The following WLS variants were observed in gnomAD, a reference collection of about 807,000 sequenced individuals.
WLS encodes protein wntless homolog.
Under a neutral mutation model 62.8 loss-of-function variants are expected in WLS, and 23 were observed. The ratio of observed to expected loss-of-function variants is 0.37; its 90% confidence interval spans 0.26 to 0.52. WLS has a LOEUF of 0.52. Ranked by LOEUF, WLS falls within the 20% of genes least tolerant of loss-of-function variation. WLS has a pLI of 0.92. For synonymous variants in WLS, 246 were observed against 244.1 expected (o/e 1.01, Z -0.07); for missense variants, 615 against 697.3 (o/e 0.88, Z 1.33).
At chr1:68,143,041 A>G (rs1379016639) in intron 10 of WLS, among the ~76,000 whole-genome samples, 1 of 152,204 alleles carries the variant, frequency 6.6e-6, no homozygotes, top group African/African-American at 2.4e-5. Context: ...TACCTGTAGC[A>G]TCTGTTTCAC....
At chr1:68,112,923 C>T (rs942167280) in intron 11 of WLS, among the ~76,000 whole-genome samples, 1 of 152,252 alleles carries the variant, frequency 6.6e-6, no homozygotes, top group African/African-American at 2.4e-5. Flanking sequence ...GAATTTGGCT[C>T]CCTGCCTAGG....
chr1:68,152,522 G>T (rs923522309), intron 5 of WLS, among the ~76,000 whole-genome samples: 1 of 152,194 alleles, frequency 6.6e-6, no homozygotes, highest in Non-Finnish European at 1.5e-5. Flanking sequence ...AATTATGTCA[G>T]ATGCTGGGAT....
chr1:68,118,759 C>T (rs949186828), intron 11 of WLS, among the ~76,000 whole-genome samples: 3 of 151,370 alleles, frequency 2.0e-5, no homozygotes, highest in African/African-American at 7.3e-5. Flanking sequence ...CCTGTAATCC[C>T]AGGCTACTCA....
At chr1:68,126,473 T>G in intron 11 of WLS, 138 bp from the exon 12 acceptor site, 1 of 1,172,466 alleles carries the variant, frequency 8.5e-7, no homozygotes. Context: ...CACACAACAT[T>G]CAGAACAAGG....
chr1:68,153,639 A>G lies in WLS; in HGVS notation c.681T>C (p.Asn227=). 3 of 1,614,184 alleles carry G rather than the reference A, an allele frequency of 1.9e-6. No individual in the cohort carries two copies. The highest frequency in any genetic ancestry group is 2.5e-6 in the Non-Finnish European group (3 of 1,180,030). The change falls in exon 5 of 12, where the codon AAT becomes AAC. Residue 227 remains asparagine, a synonymous_variant. Coordinates refer to ENST00000262348, the MANE Select transcript of WLS (RefSeq NM_024911.7). ...CAAACCACACCTTGGTGAAGCCTCCATTTTGGTGGATCCCCTAGGCAGAGA... is the reference window on the plus strand; with the variant it reads ...CAAACCACACCTTGGTGAAGCCTCCGTTTTGGTGGATCCCCTAGGCAGAGA... ...KDIRLVGIHQ[N]GGFTKVWFAM... is the part of the protein sequence containing the mutation.
At chr1:68,129,743 T>C (rs569575315) in intron 11 of WLS, among the ~76,000 whole-genome samples, 29 of 152,296 alleles carry the variant, frequency 1.9e-4, no homozygotes, top group Admixed American at 1.8e-3. Flanking sequence ...TCTTGCTCCA[T>C]CTGTTAGTTT....
chr1:68,119,556 T>C (rs1457346287), intron 11 of WLS, among the ~76,000 whole-genome samples: 1 of 152,204 alleles, frequency 6.6e-6, no homozygotes, highest in Non-Finnish European at 1.5e-5. Context: ...TGGCTCTCTC[T>C]CACAGCTTCC....
At chr1:68,189,964 A>G (rs1161262439) in intron 2 of WLS, among the ~76,000 whole-genome samples, 1 of 152,198 alleles carries the variant, frequency 6.6e-6, no homozygotes, top group Non-Finnish European at 1.5e-5. Flanking sequence ...AACCAAGATC[A>G]TGCCACCGTA....
chr1:68,227,746 T>A (rs997427173), intron 1 of WLS, among the ~76,000 whole-genome samples: 4 of 152,192 alleles, frequency 2.6e-5, no homozygotes, highest in African/African-American at 9.7e-5. Flanking sequence ...ACCAATTGAT[T>A]AATCTTGTCA....
chr1:68,130,480 C>T (rs149885286), intron 11 of WLS, among the ~76,000 whole-genome samples: 227 of 152,296 alleles, frequency 1.5e-3, no homozygotes, highest in Non-Finnish European at 2.9e-3. Flanking sequence ...CTTTCCAGAA[C>T]ATTCATGACC....
chr1:68,159,185 A>C lies in WLS; in HGVS notation c.442T>G (p.Trp148Gly), dbSNP rs772279175. ...LAYRDDAFAE[W>G]TEMAHERVPR... ...ACTCTTTCATGGGCCATTTCAGTCC[A>C]CTCAGCAAACGCGTCATCACGGTAA... Residue 148 changes from tryptophan (W) to glycine (G), a missense_variant, in exon 3 of 12, where the codon TGG (tryptophan) becomes GGG (glycine). Physicochemically the swap from Trp to Gly is radical, Grantham distance 184. Transcript: ENST00000262348. 6.2e-7 allele frequency: 1 copy of C among 1,614,106 alleles called. No individual in the cohort carries two copies. The highest frequency in any genetic ancestry group is 8.5e-7 in the Non-Finnish European group (1 of 1,179,996).
intron 4 of WLS, among the ~76,000 whole-genome samples, chr1:68,154,836 A>G (rs531281557): frequency 2.0e-5 from 3 of 152,374 alleles, no homozygotes; most frequent in Middle Eastern, 3.4e-3. Context: ...TCATTATGCA[A>G]TCATGACTAT....
intron 2 of WLS, among the ~76,000 whole-genome samples, chr1:68,190,786 G>A (rs539268644): frequency 6.0e-4 from 92 of 152,240 alleles, no homozygotes; most frequent in Non-Finnish European, 1.1e-3. Context: ...GGCCAGGCAC[G>A]GTGGCTCACG....
intron 2 of WLS, chr1:68,161,884 A>C (rs796393715): frequency 6.2e-7 from 1 of 1,609,082 alleles, no homozygotes; most frequent in Admixed American, 1.7e-5. Flanking sequence ...GATCCCTTCC[A>C]CGGCTGCAGG....
intron 2 of WLS, among the ~76,000 whole-genome samples, chr1:68,166,577 C>T (rs1439710193): frequency 1.3e-5 from 2 of 152,234 alleles, no homozygotes; most frequent in South Asian, 2.1e-4. Flanking sequence ...AAGAAGCTAA[C>T]AGCTGAATCA....
intron 11 of WLS, among the ~76,000 whole-genome samples, chr1:68,114,522 A>C (rs1646266567): frequency 6.6e-6 from 1 of 152,210 alleles, no homozygotes; most frequent in Non-Finnish European, 1.5e-5. Context: ...CAGCAATGCT[A>C]AGTGGTATAA....
At chr1:68,147,995 A>G in intron 8 of WLS, 141 bp downstream of exon 8, 1 of 868,686 alleles carries the variant, frequency 1.2e-6, no homozygotes, top group Non-Finnish European at 1.8e-6. Context: ...ATTAGCCTTA[A>G]TTGTGCTGTT....
At chr1:68,103,676 G>A (rs903124323) in intron 11 of WLS, among the ~76,000 whole-genome samples, 1 of 152,180 alleles carries the variant, frequency 6.6e-6, no homozygotes, top group African/African-American at 2.4e-5. Context: ...TATTTGGGAA[G>A]TCTTATCAGA....
intron 2 of WLS, among the ~76,000 whole-genome samples, chr1:68,177,028 A>G (rs1488880705): frequency 6.6e-6 from 1 of 152,080 alleles, no homozygotes; most frequent in Non-Finnish European, 1.5e-5. Flanking sequence ...TCTCCCATAC[A>G]CCTCTGCTCC....
Sources: allele counts gnomAD v4.1 joint callset (sites outside exome capture counted in the v4.1 genomes callset), GRCh38; gene constraint gnomAD v4.1.1; transcripts MANE v1.5; gene names NCBI Gene and HGNC (gene_info 2026-07-23, HGNC 2026-07-21).